Variants in CYLC1 observed in about 807,000 individuals in gnomAD.
The protein encoded by CYLC1 is cylicin 1.
CYLC1 carries 2 observed loss-of-function variants against 31.6 expected under a neutral mutation model. The ratio of observed to expected loss-of-function variants is 0.06; its 90% CI spans 0.03 to 0.20. CYLC1 has a LOEUF of 0.20. Among genes scored for constraint, CYLC1 ranks in the 10% least tolerant of loss-of-function variants. CYLC1 has a pLI of 1.00. For missense variants in CYLC1, 595 were observed against 424.1 expected (o/e 1.40, Z -3.54); for synonymous variants, 185 against 153.0 (o/e 1.21, Z -1.54).
intron 4 of CYLC1, among the ~76,000 whole-genome samples, chrX:83,882,420 T>C (rs185857503): frequency 1.8e-5 from 2 of 110,986 alleles, no homozygotes; most frequent in East Asian, 5.7e-4. Flanking sequence ...TTTTCTTTAG[T>C]TCTTTTTTAA....
intron 1 of CYLC1, among the ~76,000 whole-genome samples, chrX:83,865,144 AT>A (rs2031574953): frequency 2.7e-5 from 3 of 111,424 alleles, no homozygotes; most frequent in African/African-American, 9.8e-5. Context: ...CAAACTTAAT[AT>A]GTGCAAAACA....
At chrX:83,880,578 A>T (rs866437165) in intron 4 of CYLC1, among the ~76,000 whole-genome samples, 2 of 111,720 alleles carry the variant, frequency 1.8e-5, no homozygotes, top group Non-Finnish European at 1.9e-5. Context: ...ACTTTTCCCC[A>T]AAAGTATCTT....
At chrX:83,882,427 T>C (rs979113956) in intron 4 of CYLC1, among the ~76,000 whole-genome samples, 7 of 111,106 alleles carry the variant, frequency 6.3e-5, no homozygotes, top group African/African-American at 2.3e-4. Context: ...TAGTTCTTTT[T>C]TAAAAAGTGC....
At chrX:83,885,660 A>G (rs1389089170) in intron 4 of CYLC1, among the ~76,000 whole-genome samples, 1 of 109,396 alleles carries the variant, frequency 9.1e-6, no homozygotes, top group Non-Finnish European at 1.9e-5. Context: ...ATATGGGAAT[A>G]TGTAGGAAGA....
At position 83,881,548 on chromosome X, in the gene CYLC1, C is replaced by CA. The variant is rs201553082; in HGVS notation, c.1924-4996dup. Among the ~76,000 whole-genome samples, 201 of 107,723 alleles carry CA rather than the reference C, an allele frequency of 1.9e-3. 1 individual carries two copies. The highest frequency in any genetic ancestry group is 6.3e-3 in the African/African-American group (187 of 29,614). The allele number at this position is 107,723 out of a possible 115,157, so 93.5% of individuals were successfully genotyped here. On this transcript the variant is annotated intron_variant, in intron 4 of 4. Transcript: ENST00000329312. Reference sequence around the variant, plus strand: ...TAGAAGTGACTGACACACTAGAGCACAAAAAAAATAATGGTAACATTGGAC... The same window carrying CA: ...TAGAAGTGACTGACACACTAGAGCACAAAAAAAAATAATGGTAACATTGGAC...
chrX:83,861,241 C>T (rs368707112), intron 1 of CYLC1, 42 bp downstream of exon 1: 3 of 947,431 alleles, frequency 3.2e-6, no homozygotes, highest in Admixed American at 2.4e-5. Context: ...TTTAAATAGC[C>T]AATATGCTCA....
At position 83,879,273 on chromosome X, in the gene CYLC1, C is replaced by T. The variant is rs371233678; in HGVS notation, c.1923+4642C>T. The stretch of plus-strand genomic sequence containing the variant: ...CTGATGCCAAATCCCCCTATTTTCT[C>T]ATCTTCTAGAGGTAAACAATGTTAG... On this transcript the variant is annotated intron_variant, in intron 4 of 4. Coordinates refer to ENST00000329312, the MANE Select transcript of CYLC1 (RefSeq NM_021118.3). Among the ~76,000 whole-genome samples, 13 of 110,609 alleles carry T rather than the reference C, an allele frequency of 1.2e-4. No homozygotes were observed. In the East Asian group the frequency reaches 3.4e-3, roughly 29 times the overall value.
rs1386643566 is a variant in CYLC1 at position 83,873,694 on chromosome X, A to T, written c.986A>T (p.Asp329Val). 1 of 1,201,022 alleles carries T rather than the reference A, an allele frequency of 8.3e-7. No individual in the cohort carries two copies. Among genetic ancestry groups the T allele is most frequent in the Admixed American group, 2.2e-5 (1 of 45,097 alleles). Reference protein sequence around the residue: ...KDDKKKDVKKDTESTDAESGD... With the variant: ...KDDKKKDVKKVTESTDAESGD... ...GACAAGAAAAAGGATGTAAAGAAGG[A>T]CACAGAGTCTACTGATGCTGAATCT... Residue 329 changes from aspartate to valine, a missense_variant, in exon 4 of 5, where the codon GAC (aspartate) becomes GTC (valine). Asp to Val is a radical substitution (Grantham distance 152, BLOSUM62 -3). Coordinates refer to ENST00000329312, the MANE Select transcript of CYLC1 (RefSeq NM_021118.3).
intron 4 of CYLC1, among the ~76,000 whole-genome samples, chrX:83,878,775 C>G (rs2031867414): frequency 9.5e-6 from 1 of 105,405 alleles, no homozygotes; most frequent in African/African-American, 3.4e-5. Context: ...GAAGAGAATA[C>G]CTATGTATCC....
intron 1 of CYLC1, among the ~76,000 whole-genome samples, chrX:83,867,811 C>T (rs776272699): frequency 9.0e-6 from 1 of 111,382 alleles, no homozygotes; most frequent in Non-Finnish European, 1.9e-5. Context: ...ACCACTTATG[C>T]AAAGTCCCTT....
In CYLC1 at chrX:83,886,497, T is replaced by G. The variant is rs2147789105; in HGVS notation, c.1924-55T>G. 2.0e-5 allele frequency: 22 copies of G among 1,118,195 alleles called. No homozygotes were observed. In the Middle Eastern group the frequency reaches 9.7e-4, roughly 49 times the overall value. The allele number at this position is 1,118,195 out of a possible 1,213,427, so 92.2% of individuals were successfully genotyped here. A position where few individuals can be genotyped will look rare whatever the true frequency, so the allele number is the denominator to read the frequency against. ...CTTAACACATCATAGTTGTCTTGATTAATAGACAAATAAAGCCTTTCTTTT... is the reference window on the plus strand; with the variant it reads ...CTTAACACATCATAGTTGTCTTGATGAATAGACAAATAAAGCCTTTCTTTT... On this transcript the variant is annotated intron_variant, in intron 4 of 4. Transcript: ENST00000329312.
intron 1 of CYLC1, chrX:83,864,763 A>G (rs757065592): frequency 1.6e-4 from 49 of 302,078 alleles, no homozygotes; most frequent in South Asian, 4.0e-4. Context: ...CACATTTACA[A>G]TTCCACTAGC....
intron 1 of CYLC1, among the ~76,000 whole-genome samples, chrX:83,865,884 A>T (rs763427395): frequency 2.7e-5 from 3 of 111,675 alleles, no homozygotes; most frequent in Non-Finnish European, 3.8e-5. Flanking sequence ...ACTTCCAGGG[A>T]TTAGAAAATT....
chrX:83,862,781 C>G (rs1421326008), intron 1 of CYLC1, among the ~76,000 whole-genome samples: 1 of 111,542 alleles, frequency 9.0e-6, no homozygotes, highest in Non-Finnish European at 1.9e-5. Context: ...TCCTCTGACT[C>G]CAATCTGAAT....
Position 83,873,755 on chromosome X carries a change from G to C in CYLC1, c.1047G>C (p.Lys349Asn). The C allele has an allele frequency of 3.4e-6, 4 of 1,188,403 alleles. No individual in the cohort carries two copies. Among genetic ancestry groups the C allele is most frequent in the Non-Finnish European group, 4.5e-6 (4 of 882,590 alleles). The change falls in exon 4 of 5, where the codon AAG becomes AAC. Residue 349 changes from lysine (K) to asparagine (N), a missense_variant. Lys to Asn is a moderately conservative substitution (Grantham distance 94). Transcript: ENST00000329312. ...DSKDERKDTK[K>N]DKKKLKKDDK... The stretch of plus-strand genomic sequence containing the variant: ...AGGATGAAAGGAAAGATACAAAGAA[G>C]GATAAGAAAAAATTAAAGAAAGATG...
In CYLC1 at chrX:83,871,455, G is replaced by T; in HGVS notation, c.62G>T (p.Ser21Ile). 1 of 1,193,926 alleles carries T rather than the reference G, an allele frequency of 8.4e-7. No individual in the cohort carries two copies. The highest frequency in any genetic ancestry group is 2.2e-5 in the Admixed American group (1 of 45,022). The change falls in exon 3 of 5, where the codon AGT becomes ATT. Residue 21 changes from serine (S) to isoleucine (I), a missense_variant. Coordinates refer to ENST00000329312, the MANE Select transcript of CYLC1 (RefSeq NM_021118.3). ...TTTATTATCCTTTCTCATTTAGTCAGTGAATCAAGCAGAAAATCATGGAAT... is the reference window on the plus strand; with the variant it reads ...TTTATTATCCTTTCTCATTTAGTCATTGAATCAAGCAGAAAATCATGGAAT... Reference protein sequence around the residue: ...IRTYDNSIPISESSRKSWNQK... With the variant: ...IRTYDNSIPIIESSRKSWNQK...
chrX:83,878,466 T>TATATATAAATATATATAAATATATATAA (rs2031858341), intron 4 of CYLC1, among the ~76,000 whole-genome samples: 1 of 18,131 alleles, frequency 5.5e-5, no homozygotes, highest in Non-Finnish European at 1.0e-4. Context: ...TATATATAAA[T>TATATATAAATATATATAAATATATATAA]ATATATATAA....
chrX:83,868,682 G>C (rs1346856495), intron 1 of CYLC1, among the ~76,000 whole-genome samples: 1 of 110,591 alleles, frequency 9.0e-6, no homozygotes, highest in Non-Finnish European at 1.9e-5. Context: ...GAAAACTTTG[G>C]TATAATTTGT....
intron 1 of CYLC1, among the ~76,000 whole-genome samples, chrX:83,862,085 T>C (rs1423564129): frequency 8.9e-6 from 1 of 111,893 alleles, no homozygotes; most frequent in Non-Finnish European, 1.9e-5. Context: ...TAGAAAATAT[T>C]TCACTCAGAA....
Sources: allele counts gnomAD v4.1 joint callset (sites outside exome capture counted in the v4.1 genomes callset), GRCh38; gene constraint gnomAD v4.1.1; transcripts MANE v1.5; gene names NCBI Gene and HGNC (gene_info 2026-07-23, HGNC 2026-07-21).